Variants in ST8SIA6 observed in about 807,000 individuals in gnomAD.
ST8SIA6 encodes alpha-2,8-sialyltransferase 8F.
ST8SIA6 carries 39 observed loss-of-function variants against 33.6 expected under a neutral mutation model. The observed-to-expected ratio is 1.16, with a 90% CI of 0.90 to 1.52. The LOEUF (loss-of-function observed/expected upper bound fraction) is 1.52, where lower values mean the gene tolerates loss of function less well. Ranked by LOEUF, ST8SIA6 falls within the 40% of genes most tolerant of loss-of-function variation. The pLI is 0.00. For synonymous variants in ST8SIA6, 172 were observed against 167.2 expected, an observed-to-expected ratio of 1.03 and a Z score of -0.22; for missense variants, 441 against 443.8, an observed-to-expected ratio of 0.99 and a Z score of 0.06.
chr10:17,348,682 G>C (rs747308929), intron 4 of ST8SIA6, among the ~76,000 whole-genome samples: 1 of 152,146 alleles, frequency 6.6e-6, no homozygotes. Context: ...CCCACGGTTC[G>C]CTGTGGAATT....
chr10:17,353,849 C>T (rs553289838), intron 4 of ST8SIA6, among the ~76,000 whole-genome samples: 1 of 152,192 alleles, frequency 6.6e-6, no homozygotes, highest in South Asian at 2.1e-4. Flanking sequence ...CTCTTTGAAA[C>T]CTGACGATGT....
At chr10:17,379,632 A>C (rs1381305286) in intron 3 of ST8SIA6, among the ~76,000 whole-genome samples, 1 of 152,188 alleles carries the variant, frequency 6.6e-6, no homozygotes, top group Non-Finnish European at 1.5e-5. Flanking sequence ...GCGACCTGGA[A>C]GTTCCCTCCC....
chr10:17,361,754 G>T (rs1849398842), intron 3 of ST8SIA6, among the ~76,000 whole-genome samples: 1 of 146,528 alleles, frequency 6.8e-6, no homozygotes, highest in African/African-American at 2.5e-5. Context: ...TTCTTATAAA[G>T]ATAGATGCAA....
intron 2 of ST8SIA6, among the ~76,000 whole-genome samples, chr10:17,427,350 G>C (rs538853395): frequency 6.6e-6 from 1 of 152,192 alleles, no homozygotes; most frequent in Non-Finnish European, 1.5e-5. Context: ...GAGTTCCCTG[G>C]TGCTGCCAAT....
At chr10:17,437,137 TTCTCTC>T (rs146561377) in intron 2 of ST8SIA6, among the ~76,000 whole-genome samples, 2 of 149,962 alleles carry the variant, frequency 1.3e-5, no homozygotes, top group African/African-American at 4.9e-5. Context: ...ACAGATTCAT[TTCTCTC>T]TCTCTCTCTC....
intron 5 of ST8SIA6, among the ~76,000 whole-genome samples, chr10:17,329,829 C>T (rs1848241228): frequency 6.6e-6 from 1 of 152,210 alleles, no homozygotes; most frequent in African/African-American, 2.4e-5. Context: ...AATGTGCACG[C>T]TCCACTGCCT....
intron 4 of ST8SIA6, among the ~76,000 whole-genome samples, chr10:17,348,630 C>T (rs1316801331): frequency 6.6e-6 from 1 of 152,160 alleles, no homozygotes; most frequent in Admixed American, 6.5e-5. Context: ...TAACTGCTCC[C>T]AGAAAGCCAG....
chr10:17,419,561 A>C (rs1588907326), intron 2 of ST8SIA6, among the ~76,000 whole-genome samples: 1 of 152,136 alleles, frequency 6.6e-6, no homozygotes, highest in Non-Finnish European at 1.5e-5. Flanking sequence ...AAAAACAAAA[A>C]AAATAACGAC....
intron 3 of ST8SIA6, among the ~76,000 whole-genome samples, chr10:17,375,630 C>G (rs183033973): frequency 6.6e-6 from 1 of 152,200 alleles, no homozygotes; most frequent in African/African-American, 2.4e-5. Flanking sequence ...TGGCGTAAGC[C>G]GCACTTAGTC....
chr10:17,323,183 T>G (rs1848012451), intron 6 of ST8SIA6, 26 bp from the exon 7 acceptor site: 2 of 1,595,000 alleles, frequency 1.3e-6, no homozygotes, highest in Non-Finnish European at 1.7e-6. Context: ...AAAATCATTT[T>G]CAAAATAGAA....
At chr10:17,419,091 A>AT in intron 2 of ST8SIA6, among the ~76,000 whole-genome samples, 1 of 151,526 alleles carries the variant, frequency 6.6e-6, no homozygotes, top group East Asian at 1.9e-4. Flanking sequence ...GCAAAATAAC[A>AT]TTTTTTCCCT....
chr10:17,393,893 C>G (rs1202053408), intron 2 of ST8SIA6, among the ~76,000 whole-genome samples: 1 of 152,248 alleles, frequency 6.6e-6, no homozygotes, highest in Non-Finnish European at 1.5e-5. Context: ...CCCGCCACTT[C>G]CTTCCCAATT....
chr10:17,374,764 T>TATATATATATATATACACAC (rs1441288579), intron 3 of ST8SIA6, among the ~76,000 whole-genome samples: 7 of 126,856 alleles, frequency 5.5e-5, no homozygotes, highest in South Asian at 2.8e-4. Context: ...TATATATATA[T>TATATATATATATATACACAC]ATATTTAGCT....
chr10:17,409,360 G>A (rs1283401893), intron 2 of ST8SIA6: 1 of 152,586 alleles, frequency 6.6e-6, no homozygotes, highest in Non-Finnish European at 1.5e-5. Context: ...CCTGTAGAGG[G>A]TGTTGTGGAA....
chr10:17,374,059 CAT>C (rs1849813199), intron 3 of ST8SIA6, among the ~76,000 whole-genome samples: 3 of 126,972 alleles, frequency 2.4e-5, no homozygotes, highest in African/African-American at 9.3e-5. Flanking sequence ...TATCTTTTAA[CAT>C]CAACAACCAC....
At chr10:17,357,291 AATT>A (rs1056566274) in intron 4 of ST8SIA6, among the ~76,000 whole-genome samples, 12 of 121,860 alleles carry the variant, frequency 9.8e-5, no homozygotes, top group South Asian at 6.0e-4. Context: ...ACGCCTGGCT[AATT>A]TTTTTTTTTT....
chr10:17,369,475 A>T (rs1849663157), intron 3 of ST8SIA6, among the ~76,000 whole-genome samples: 1 of 152,138 alleles, frequency 6.6e-6, no homozygotes, highest in African/African-American at 2.4e-5. Context: ...TACTGCATTT[A>T]AAAAAATGAT....
chr10:17,443,833 G>A (rs569937262), intron 2 of ST8SIA6, among the ~76,000 whole-genome samples: 2 of 152,306 alleles, frequency 1.3e-5, no homozygotes, highest in African/African-American at 4.8e-5. Flanking sequence ...CCTTTCTCAT[G>A]TTTACCAAAC....
intron 2 of ST8SIA6, among the ~76,000 whole-genome samples, chr10:17,445,970 T>C (rs1372415280): frequency 6.6e-6 from 1 of 152,120 alleles, no homozygotes; most frequent in East Asian, 1.9e-4. Flanking sequence ...GAGCAAGAGA[T>C]AGTTTTGGGG....
Sources: gnomAD v4.1 joint callset for allele counts (sites outside exome capture counted in the v4.1 genomes callset) on GRCh38, gnomAD v4.1.1 for gene constraint, MANE v1.5 for transcripts, NCBI Gene and HGNC (gene_info 2026-07-23, HGNC 2026-07-21) for gene names.